Variants in SDK1 observed in about 807,000 individuals in gnomAD.
The protein encoded by SDK1 is protein sidekick-1.
In SDK1, 157 loss-of-function variants were observed where a neutral mutation model predicts 245.5. The ratio of observed to expected loss-of-function variants is 0.64; its 90% CI spans 0.56 to 0.73. SDK1 has a LOEUF of 0.73. Ranked by LOEUF, SDK1 falls within the 30% of genes least tolerant of loss-of-function variation. The pLI is 0.00. For synonymous variants in SDK1, 1,647 were observed against 1,278.5 expected, an observed-to-expected ratio of 1.29 and a Z score of -6.15; for missense variants, 3,583 against 3,002.3, an observed-to-expected ratio of 1.19 and a Z score of -4.52.
chr7:3,943,451 C>T (rs1156624480), intron 5 of SDK1, among the ~76,000 whole-genome samples: 1 of 148,934 alleles, frequency 6.7e-6, no homozygotes, highest in East Asian at 2.0e-4. Context: ...TCTGGTCTCC[C>T]TGCCTGGAAA....
At chr7:4,206,492 ATGTGAG>A (rs1784234410) in intron 36 of SDK1, among the ~76,000 whole-genome samples, 1 of 152,168 alleles carries the variant, frequency 6.6e-6, no homozygotes, top group Non-Finnish European at 1.5e-5. Context: ...AAGGTCCCAG[ATGTGAG>A]GTCCCTGGGA....
At chr7:3,685,207 A>G (rs942351550) in intron 4 of SDK1, among the ~76,000 whole-genome samples, 2 of 59,454 alleles carry the variant, frequency 3.4e-5, no homozygotes, top group African/African-American at 1.3e-4. Flanking sequence ...ACTTGTGAAC[A>G]TTAAGTTAAA....
chr7:3,892,776 G>A (rs1781493343), intron 5 of SDK1, among the ~76,000 whole-genome samples: 1 of 152,216 alleles, frequency 6.6e-6, no homozygotes, highest in Non-Finnish European at 1.5e-5. Flanking sequence ...GCTCAGTGCA[G>A]CCGAAAGAAC....
chr7:4,225,927 G>C (rs1343432657), intron 40 of SDK1, among the ~76,000 whole-genome samples: 11 of 148,826 alleles, frequency 7.4e-5, no homozygotes, highest in African/African-American at 2.7e-4. Context: ...GGATCATGAA[G>C]GGAACCCAAG....
At chr7:3,913,093 G>C (rs913226051) in intron 5 of SDK1, among the ~76,000 whole-genome samples, 2 of 152,176 alleles carry the variant, frequency 1.3e-5, no homozygotes, top group Non-Finnish European at 2.9e-5. Context: ...TGAAGAAGGA[G>C]TTGCCTGAAG....
In SDK1 at chr7:4,237,426, A is replaced by G. The variant is rs547142532; in HGVS notation, c.5993-221A>G. ...GCCTGATCCCACAGAAAAGGTGGCA[A>G]ATGGGGGCTGTTGAATTCCCAAAGC... On this transcript the variant is annotated intron_variant, in intron 41 of 44. Transcript: ENST00000404826. Among the ~76,000 whole-genome samples the G allele has an allele frequency of 2.6e-5, 4 of 151,912 alleles. No individual in the cohort carries two copies. The East Asian group carries it at 7.8e-4, about 30-fold the overall frequency.
chr7:3,552,049 T>G (rs143942597), intron 1 of SDK1, among the ~76,000 whole-genome samples: 1 of 151,716 alleles, frequency 6.6e-6, no homozygotes, highest in Non-Finnish European at 1.5e-5. Flanking sequence ...TCTTCTTCTT[T>G]TTTTTTTGAG....
At chr7:3,900,000 C>T (rs2128104969) in intron 5 of SDK1, among the ~76,000 whole-genome samples, 2 of 152,360 alleles carry the variant, frequency 1.3e-5, no homozygotes, top group South Asian at 4.1e-4. Flanking sequence ...TGAAATATTT[C>T]AGCCATGTGG....
intron 1 of SDK1, among the ~76,000 whole-genome samples, chr7:3,607,118 C>G (rs934090703): frequency 6.6e-6 from 1 of 151,684 alleles, no homozygotes; most frequent in Non-Finnish European, 1.5e-5. Flanking sequence ...AAACTGGCCA[C>G]TAGTCACTAC....
At chr7:4,144,363 C>T (rs895857618) in intron 28 of SDK1, among the ~76,000 whole-genome samples, 1 of 152,142 alleles carries the variant, frequency 6.6e-6, no homozygotes, top group African/African-American at 2.4e-5. Flanking sequence ...CTCTGGGGGC[C>T]TAAGTTCAGG....
chr7:3,515,697 G>A (rs1562533800), intron 1 of SDK1, among the ~76,000 whole-genome samples: 1 of 152,280 alleles, frequency 6.6e-6, no homozygotes, highest in East Asian at 1.9e-4. Context: ...TAGCCAAAGA[G>A]AAATGTTGAT....
intron 13 of SDK1, among the ~76,000 whole-genome samples, chr7:3,983,736 A>G (rs1467992846): frequency 6.6e-6 from 1 of 152,226 alleles, no homozygotes; most frequent in Non-Finnish European, 1.5e-5. Context: ...GATATTATCA[A>G]GGGGATTTTC....
chr7:3,483,215 G>A (rs1333524946), intron 1 of SDK1, among the ~76,000 whole-genome samples: 3 of 152,154 alleles, frequency 2.0e-5, no homozygotes, highest in Admixed American at 2.0e-4. Flanking sequence ...ACAGTATTGA[G>A]TCCTAGCATT....
At chr7:3,735,176 A>G (rs1779284881) in intron 4 of SDK1, among the ~76,000 whole-genome samples, 1 of 152,204 alleles carries the variant, frequency 6.6e-6, no homozygotes, top group Non-Finnish European at 1.5e-5. Context: ...TTGTGGTAGA[A>G]TGTTCATAAC....
At chr7:3,336,227 C>T (rs895022567) in intron 1 of SDK1, among the ~76,000 whole-genome samples, 12 of 152,280 alleles carry the variant, frequency 7.9e-5, no homozygotes, top group South Asian at 4.1e-4. Flanking sequence ...CAGCATGCTT[C>T]GGTTCCCCAC....
At chr7:4,142,788 T>A (rs1779665781) in intron 28 of SDK1, among the ~76,000 whole-genome samples, 2 of 152,218 alleles carry the variant, frequency 1.3e-5, no homozygotes, top group African/African-American at 4.8e-5. Context: ...CCTGGCACAT[T>A]TGCATGATTT....
intron 30 of SDK1, among the ~76,000 whole-genome samples, chr7:4,158,128 C>T (rs1039923494): frequency 1.3e-5 from 2 of 152,152 alleles, no homozygotes; most frequent in Admixed American, 1.3e-4. Context: ...GCAGAATCTT[C>T]CCCCTGGCCA....
At chr7:3,326,908 T>A (rs919937129) in intron 1 of SDK1, among the ~76,000 whole-genome samples, 1 of 152,132 alleles carries the variant, frequency 6.6e-6, no homozygotes, top group East Asian at 1.9e-4. Context: ...ATTTTTTAAA[T>A]ATACTTACTG....
rs551494833 is a variant in SDK1 at position 3,425,288 on chromosome 7, G to A, written c.298+123404G>A. ...CACTTTTACAGAAGGGAAATTTATGGCCCTTATCTGTTGAGGACTTTTATG... is the reference window on the plus strand; with the variant it reads ...CACTTTTACAGAAGGGAAATTTATGACCCTTATCTGTTGAGGACTTTTATG... On this transcript the variant is annotated intron_variant, in intron 1 of 44. Coordinates refer to ENST00000404826, the MANE Select transcript of SDK1 (RefSeq NM_152744.4). Among the ~76,000 whole-genome samples the A allele has an allele frequency of 2.0e-4, 31 of 152,166 alleles. No homozygotes were observed. In the East Asian group the frequency reaches 4.6e-3, roughly 23 times the overall value.
Sources: gnomAD v4.1 joint callset for allele counts (sites outside exome capture counted in the v4.1 genomes callset) on GRCh38, gnomAD v4.1.1 for gene constraint, MANE v1.5 for transcripts, NCBI Gene and HGNC (gene_info 2026-07-23, HGNC 2026-07-21) for gene names.